Variants in LINGO2 observed in about 807,000 individuals in gnomAD.
LINGO2 encodes leucine rich repeat and Ig domain containing 2, also known as leucine-rich repeat and immunoglobulin-like domain-containing nogo receptor-interacting protein 2.
In LINGO2, 14 loss-of-function variants were observed where a neutral mutation model predicts 30.6. The ratio of observed to expected loss-of-function variants is 0.46; its 90% CI spans 0.30 to 0.72. LINGO2 has a LOEUF of 0.72. Among genes scored for constraint, LINGO2 ranks in the 30% least tolerant of loss-of-function variants. LINGO2 has a pLI of 0.07. For missense variants in LINGO2, 729 were observed against 751.7 expected, an observed-to-expected ratio of 0.97 and a Z score of 0.35; for synonymous variants, 317 against 288.5, an observed-to-expected ratio of 1.10 and a Z score of -1.00.
At chr9:28,203,446 G>A (rs1820307661) in intron 4 of LINGO2, among the ~76,000 whole-genome samples, 1 of 152,102 alleles carries the variant, frequency 6.6e-6, no homozygotes, top group South Asian at 2.1e-4. Flanking sequence ...TTTCTTTTGG[G>A]CCTAGGTTCT....
At chr9:28,353,931 C>G (rs138511463) in intron 3 of LINGO2, among the ~76,000 whole-genome samples, 4,611 of 152,150 alleles carry the variant, frequency 0.03, 94 homozygotes, top group East Asian at 0.11. Flanking sequence ...CATATTCTCA[C>G]TCATAGGTGG....
At chr9:28,656,500 G>A (rs759745727) in intron 1 of LINGO2, among the ~76,000 whole-genome samples, 2 of 151,892 alleles carry the variant, frequency 1.3e-5, no homozygotes, top group African/African-American at 2.4e-5. Flanking sequence ...ATACCAAAAC[G>A]CATAACTGAA....
chr9:28,524,049 A>G (rs1820924551), intron 1 of LINGO2, among the ~76,000 whole-genome samples: 3 of 152,198 alleles, frequency 2.0e-5, no homozygotes, highest in Admixed American at 1.3e-4. Context: ...AGAAATTATA[A>G]CAGTGTGGTA....
chr9:28,504,337 T>A (rs1311697344), intron 1 of LINGO2, among the ~76,000 whole-genome samples: 2 of 151,932 alleles, frequency 1.3e-5, no homozygotes, highest in East Asian at 3.9e-4. Context: ...TTAATTTAGA[T>A]ATATTAAAAA....
chr9:29,016,236 T>C, the LINGO2 span, among the ~76,000 whole-genome samples: 3 of 152,184 alleles, frequency 2.0e-5, no homozygotes, highest in Non-Finnish European at 4.4e-5. Flanking sequence ...CCTTAAACAG[T>C]AGTTGCTACT....
chr9:28,252,076 T>C (rs1382677820), intron 4 of LINGO2, among the ~76,000 whole-genome samples: 2 of 152,188 alleles, frequency 1.3e-5, no homozygotes, highest in African/African-American at 2.4e-5. Flanking sequence ...CAGTTTAATA[T>C]GTTATAGATA....
intron 1 of LINGO2, among the ~76,000 whole-genome samples, chr9:28,588,375 C>G (rs1479507534): frequency 6.6e-6 from 1 of 151,948 alleles, no homozygotes; most frequent in Non-Finnish European, 1.5e-5. Context: ...GCATCATTCA[C>G]ACATTTTGCA....
chr9:28,766,460 C>A, the LINGO2 span, among the ~76,000 whole-genome samples: 1 of 150,824 alleles, frequency 6.6e-6, no homozygotes, highest in South Asian at 2.1e-4. Flanking sequence ...AAAAAAAAAC[C>A]CTTGTACACT....
chr9:28,312,687 AATT>A (rs1208003559), intron 3 of LINGO2, among the ~76,000 whole-genome samples: 4 of 152,188 alleles, frequency 2.6e-5, no homozygotes, highest in Non-Finnish European at 5.9e-5. Context: ...GACAGAGTGC[AATT>A]ATTATAATTC....
At chr9:28,906,789 AAGGAAGTTTTCCCACT>A in the LINGO2 span, among the ~76,000 whole-genome samples, 1 of 151,960 alleles carries the variant, frequency 6.6e-6, no homozygotes, top group Non-Finnish European at 1.5e-5. Flanking sequence ...TCTCAATCCT[AAGGAAGTTTTCCCACT>A]GAGAAACAAT....
chr9:28,699,357 A>G, the LINGO2 span, among the ~76,000 whole-genome samples: 2 of 152,020 alleles, frequency 1.3e-5, no homozygotes, highest in Non-Finnish European at 2.9e-5. Context: ...TGAAGATTTC[A>G]TGGACATTTA....
At chr9:28,547,979 C>G (rs143782422) in intron 1 of LINGO2, among the ~76,000 whole-genome samples, 1 of 151,992 alleles carries the variant, frequency 6.6e-6, no homozygotes, top group Admixed American at 6.6e-5. Flanking sequence ...ACTCTGGCTA[C>G]CTTATGCCCA....
intron 1 of LINGO2, chr9:28,599,370 CA>C (rs1825361857): frequency 1.3e-5 from 2 of 152,014 alleles, no homozygotes; most frequent in African/African-American, 2.4e-5. Context: ...GTAAGCTGCA[CA>C]AAAACATACC....
chr9:28,443,134 T>G (rs1824265885), intron 2 of LINGO2, among the ~76,000 whole-genome samples: 1 of 152,240 alleles, frequency 6.6e-6, no homozygotes, highest in African/African-American at 2.4e-5. Context: ...AAGGAAGTTA[T>G]GCTTTTATAC....
In LINGO2 at chr9:28,581,715, T is replaced by G. The variant is rs961206580; in HGVS notation, c.-365+88485A>C. 6.1e-4 allele frequency among the ~76,000 whole-genome samples: 92 copies of G among 151,992 alleles called. 1 individual carries two copies. Among genetic ancestry groups the G allele is most frequent in the African/African-American group, 2.1e-3 (89 of 41,540 alleles). On this transcript the variant is annotated intron_variant, in intron 1 of 5. Transcript: ENST00000379992. Reference sequence around the variant, plus strand: ...AAACACACACACAAGAATGCATCTATTCTGCTGAGATATATTTAAAGGTTT... The same window carrying G: ...AAACACACACACAAGAATGCATCTAGTCTGCTGAGATATATTTAAAGGTTT...
chr9:28,326,596 G>A (rs572929349), intron 3 of LINGO2, among the ~76,000 whole-genome samples: 2 of 152,310 alleles, frequency 1.3e-5, no homozygotes, highest in East Asian at 3.9e-4. Context: ...TATGTTCCAT[G>A]AGATTAAGAA....
chr9:27,945,442 G>C (rs1187690991), downstream of LINGO2, among the ~76,000 whole-genome samples: 1 of 152,138 alleles, frequency 6.6e-6, no homozygotes, highest in East Asian at 1.9e-4. Flanking sequence ...GGCAACTTCT[G>C]AATGTGTTTT....
rs189424662 is a variant in LINGO2, at chr9:28,291,131, T to A, written c.-87+4077A>T. Among the ~76,000 whole-genome samples the A allele has an allele frequency of 6.6e-5, 10 of 152,322 alleles. No homozygotes were observed. In the East Asian group the frequency reaches 1.9e-3, roughly 29 times the overall value. On this transcript the variant is annotated intron_variant, in intron 4 of 5. Transcript: ENST00000379992. ...CCTGTCTCAGTTCCCAGCTTACCTA[T>A]AGATATTTCCTGGCATCCTTTCCAA... is the stretch of plus-strand genomic sequence containing the variant.
chr9:28,519,162 A>C (rs1820737222), intron 1 of LINGO2, among the ~76,000 whole-genome samples: 1 of 151,980 alleles, frequency 6.6e-6, no homozygotes, highest in African/African-American at 2.4e-5. Flanking sequence ...CCTCCAGAGT[A>C]GCTGGGCTAC....
Sources: gnomAD v4.1 joint callset for allele counts (sites outside exome capture counted in the v4.1 genomes callset) on GRCh38, gnomAD v4.1.1 for gene constraint, MANE v1.5 for transcripts, NCBI Gene and HGNC (gene_info 2026-07-23, HGNC 2026-07-21) for gene names.